Variants in TYW1 observed in about 807,000 individuals in gnomAD.
TYW1 encodes tRNA-yW synthesizing protein 1 homolog, also known as S-adenosyl-L-methionine-dependent tRNA 4-demethylwyosine synthase TYW1.
In TYW1, 46 loss-of-function variants were observed where a neutral mutation model predicts 96.2. That is an observed-to-expected ratio of 0.48 (90% CI 0.38 to 0.61). TYW1 has a LOEUF of 0.61. Among genes scored for constraint, TYW1 ranks in the 20% least tolerant of loss-of-function variants. TYW1 has a pLI of 0.00. For missense variants in TYW1, 684 were observed against 909.6 expected (o/e 0.75, Z 3.19); for synonymous variants, 274 against 323.0 (o/e 0.85, Z 1.63).
chr7:67,233,505 C>T (rs1235469606), intron 15 of TYW1, among the ~76,000 whole-genome samples: 1 of 133,784 alleles, frequency 7.5e-6, no homozygotes, highest in Non-Finnish European at 1.6e-5. Context: ...CAGGCTGTAT[C>T]TTATTGCACT....
At chr7:67,235,616 G>T (rs1165892903) in intron 15 of TYW1, among the ~76,000 whole-genome samples, 1 of 152,112 alleles carries the variant, frequency 6.6e-6, no homozygotes, top group Admixed American at 6.5e-5. Context: ...GAAGGGCTGG[G>T]TGCAGTGGCT....
intron 13 of TYW1, among the ~76,000 whole-genome samples, chr7:67,179,339 C>G (rs1221094766): frequency 1.5e-5 from 2 of 135,772 alleles, no homozygotes. Context: ...TCTGCTGGTT[C>G]CTGCTGGTTT....
intron 3 of TYW1, among the ~76,000 whole-genome samples, chr7:67,003,684 G>A (rs1364993390): frequency 1.3e-5 from 2 of 152,198 alleles, no homozygotes; most frequent in Non-Finnish European, 2.9e-5. Flanking sequence ...AGTATTTTTT[G>A]TGTAAGGTTG....
intron 11 of TYW1, among the ~76,000 whole-genome samples, chr7:67,087,778 A>G (rs569421092): frequency 5.9e-5 from 9 of 152,322 alleles, no homozygotes; most frequent in African/African-American, 1.7e-4. Context: ...AAACAGGTGC[A>G]TGTTTGAAGG....
chr7:67,089,919 T>C (rs1191310341), intron 11 of TYW1, among the ~76,000 whole-genome samples: 1 of 152,120 alleles, frequency 6.6e-6, no homozygotes, highest in African/African-American at 2.4e-5. Flanking sequence ...CAGGGAGAAA[T>C]AGTTCCCAGA....
intron 3 of TYW1, among the ~76,000 whole-genome samples, chr7:67,004,334 T>C (rs535525847): frequency 2.0e-5 from 3 of 152,204 alleles, no homozygotes; most frequent in Admixed American, 6.5e-5. Context: ...CCCTCCTGAA[T>C]AGATGAATCC....
intron 7 of TYW1, among the ~76,000 whole-genome samples, chr7:67,032,450 CT>C (rs2129251103): frequency 6.6e-6 from 1 of 152,222 alleles, no homozygotes; most frequent in Non-Finnish European, 1.5e-5. Flanking sequence ...AAAACCCTGT[CT>C]CTACCAAAAA....
At chr7:67,205,125 C>T (rs962740600) in intron 15 of TYW1, among the ~76,000 whole-genome samples, 1 of 152,118 alleles carries the variant, frequency 6.6e-6, no homozygotes, top group African/African-American at 2.4e-5. Flanking sequence ...AATAAATCTT[C>T]TGTCTTAGCC....
chr7:67,199,271 G>A (rs1800509674), intron 15 of TYW1, among the ~76,000 whole-genome samples: 1 of 152,158 alleles, frequency 6.6e-6, no homozygotes, highest in South Asian at 2.1e-4. Flanking sequence ...GCTAGATTGA[G>A]GTTGTATGTC....
chr7:67,219,042 CAT>C (rs901616820), intron 15 of TYW1, among the ~76,000 whole-genome samples: 5 of 152,108 alleles, frequency 3.3e-5, no homozygotes, highest in African/African-American at 1.2e-4. Flanking sequence ...TAGGTTTTTT[CAT>C]ATGTGGCTTT....
At chr7:67,082,811 G>T (rs557191561) in intron 10 of TYW1, among the ~76,000 whole-genome samples, 1 of 152,174 alleles carries the variant, frequency 6.6e-6, no homozygotes, top group East Asian at 1.9e-4. Context: ...GCTAGGTATA[G>T]CTTGGGTTAT....
chr7:67,005,409 A>C (rs1793540180), intron 3 of TYW1, among the ~76,000 whole-genome samples: 1 of 152,212 alleles, frequency 6.6e-6, no homozygotes, highest in Non-Finnish European at 1.5e-5. Flanking sequence ...CAACCTGTGC[A>C]ACATGGCAAA....
intron 13 of TYW1, among the ~76,000 whole-genome samples, chr7:67,159,139 T>C (rs1355367352): frequency 6.6e-6 from 1 of 152,220 alleles, no homozygotes; most frequent in Non-Finnish European, 1.5e-5. Context: ...CACTTAGTAA[T>C]ATATCGTGAT....
chr7:67,159,551 C>T (rs1023460670), intron 13 of TYW1, among the ~76,000 whole-genome samples: 3 of 152,000 alleles, frequency 2.0e-5, no homozygotes, highest in African/African-American at 7.2e-5. Context: ...GTACAGCTGA[C>T]TTTCTGTAAG....
At chr7:67,226,004 G>A (rs920162004) in intron 15 of TYW1, among the ~76,000 whole-genome samples, 1 of 150,572 alleles carries the variant, frequency 6.6e-6, no homozygotes, top group African/African-American at 2.5e-5. Context: ...CTACACAGTT[G>A]TAGCTACAAC....
chr7:67,205,190 C>G (rs1800746577), intron 15 of TYW1, among the ~76,000 whole-genome samples: 1 of 152,162 alleles, frequency 6.6e-6, no homozygotes, highest in Non-Finnish European at 1.5e-5. Context: ...TACCTCCTTA[C>G]TTCCAGGGAG....
chr7:67,025,864 T>G (rs1794435466), intron 7 of TYW1, among the ~76,000 whole-genome samples: 2 of 151,718 alleles, frequency 1.3e-5, no homozygotes, highest in African/African-American at 4.8e-5. Context: ...TCCATAAGCC[T>G]TAAAAAAAAA....
chr7:67,116,338 G>T (rs1325208776), intron 12 of TYW1, among the ~76,000 whole-genome samples: 1 of 142,150 alleles, frequency 7.0e-6, no homozygotes, highest in African/African-American at 2.7e-5. Flanking sequence ...AAAAAAAAAA[G>T]AAAAGAAAAG....
intron 13 of TYW1, among the ~76,000 whole-genome samples, chr7:67,154,723 C>G (rs1449670845): frequency 3.3e-5 from 5 of 152,128 alleles, no homozygotes; most frequent in African/African-American, 1.2e-4. Flanking sequence ...CTATCTCTCT[C>G]TCTCAAGACT....
Sources: gnomAD v4.1 joint callset for allele counts (sites outside exome capture counted in the v4.1 genomes callset) on GRCh38, gnomAD v4.1.1 for gene constraint, MANE v1.5 for transcripts, NCBI Gene and HGNC (gene_info 2026-07-23, HGNC 2026-07-21) for gene names.